ADGRL3: variants seen among roughly 807,000 people sequenced by gnomAD.
ADGRL3 encodes calcium-independent alpha-latrotoxin receptor 3.
In ADGRL3, 62 loss-of-function variants were observed where a neutral mutation model predicts 153.5. That is an observed-to-expected ratio of 0.40 (90% CI 0.33 to 0.50). ADGRL3 has a LOEUF of 0.50. ADGRL3 is among the 20% of genes least tolerant of loss of function. The pLI, the probability that ADGRL3 is intolerant of heterozygous loss-of-function variation, is 0.47. For missense variants in ADGRL3, 1,641 were observed against 1,859.4 expected, an observed-to-expected ratio of 0.88 and a Z score of 2.16; for synonymous variants, 710 against 672.5, an observed-to-expected ratio of 1.06 and a Z score of -0.86.
At chr4:61,981,918 G>C (rs533260026) in intron 18 of ADGRL3, among the ~76,000 whole-genome samples, 2 of 152,166 alleles carry the variant, frequency 1.3e-5, no homozygotes, top group Admixed American at 1.3e-4. Flanking sequence ...TTTTAATTGG[G>C]CATCATATAC....
intron 2 of ADGRL3, among the ~76,000 whole-genome samples, chr4:61,490,829 C>A (rs2152779051): frequency 6.6e-6 from 1 of 152,158 alleles, no homozygotes; most frequent in South Asian, 2.1e-4. Context: ...TTTACAATTC[C>A]ATAGTGTATT....
At chr4:61,879,826 C>G (rs1039161201) in intron 9 of ADGRL3, among the ~76,000 whole-genome samples, 2 of 152,038 alleles carry the variant, frequency 1.3e-5, no homozygotes, top group Non-Finnish European at 2.9e-5. Context: ...CTCAAGAAAT[C>G]CTCCCACCTC....
At position 61,344,759 on chromosome 4, in the gene ADGRL3, G is replaced by A. The variant is rs1323939061; in HGVS notation, c.-239-38365G>A. ...CATACATCTCTTTTGCTTGTTTACT[G>A]GATTCATTGTCTTGAATTTATTTAT... On this transcript the variant is annotated intron_variant, in intron 1 of 26. Transcript: ENST00000683033. Among the ~76,000 whole-genome samples, 6 of 151,792 alleles carry A rather than the reference G, an allele frequency of 4.0e-5. No individual in the cohort carries two copies. In the East Asian group the frequency reaches 1.2e-3, roughly 29 times the overall value.
rs532653974 is a variant in ADGRL3 at position 61,688,362 on chromosome 4, A to G, written c.583+11427A>G. Among the ~76,000 whole-genome samples the G allele has an allele frequency of 2.6e-5, 4 of 152,122 alleles. No individual in the cohort carries two copies. The South Asian group carries it at 8.3e-4, about 32-fold the overall frequency. On this transcript the variant is annotated intron_variant, in intron 6 of 26. Coordinates refer to ENST00000683033, the MANE Select transcript of ADGRL3 (RefSeq NM_001387552.1). ...GAATGTAACTTAGAAGTTACGAGTA[A>G]GAGCTTTGGAATCAGAGTTGAATTT...
At chr4:61,380,246 C>T (rs1428051834) in intron 1 of ADGRL3, among the ~76,000 whole-genome samples, 5 of 151,788 alleles carry the variant, frequency 3.3e-5, no homozygotes, top group Admixed American at 6.6e-5. Flanking sequence ...CTCTTTCTTT[C>T]ACTTACTGCT....
At chr4:61,479,918 G>A (rs535880919) in intron 2 of ADGRL3, among the ~76,000 whole-genome samples, 1 of 151,764 alleles carries the variant, frequency 6.6e-6, no homozygotes, top group Non-Finnish European at 1.5e-5. Flanking sequence ...ATATAGTTAA[G>A]GTTCACAAGT....
At chr4:61,439,504 G>A (rs1345899540) in intron 2 of ADGRL3, among the ~76,000 whole-genome samples, 1 of 152,064 alleles carries the variant, frequency 6.6e-6, no homozygotes, top group African/African-American at 2.4e-5. Context: ...TGTGCAGAAC[G>A]TGCAGTTTTG....
At chr4:61,752,550 G>A (rs2096770161) in intron 8 of ADGRL3, among the ~76,000 whole-genome samples, 1 of 152,148 alleles carries the variant, frequency 6.6e-6, no homozygotes, top group Admixed American at 6.5e-5. Context: ...TATTTGGAGA[G>A]TACTTCTTAC....
chr4:61,254,827 T>C (rs1032242304), intron 1 of ADGRL3, among the ~76,000 whole-genome samples: 1 of 152,198 alleles, frequency 6.6e-6, no homozygotes, highest in African/African-American at 2.4e-5. Context: ...ATCAGTCATT[T>C]TTCTTCCTTG....
intron 13 of ADGRL3, among the ~76,000 whole-genome samples, chr4:61,928,527 C>T (rs1346894778): frequency 6.6e-6 from 1 of 152,166 alleles, no homozygotes; most frequent in Non-Finnish European, 1.5e-5. Flanking sequence ...CCTCATTCAA[C>T]AGTGCCTTAC....
intron 8 of ADGRL3, among the ~76,000 whole-genome samples, chr4:61,800,342 A>G (rs1008160654): frequency 6.6e-6 from 1 of 152,230 alleles, no homozygotes; most frequent in East Asian, 1.9e-4. Context: ...AACCTGAGTT[A>G]TCATCACGAA....
chr4:61,985,523 T>C (rs560243101), intron 19 of ADGRL3, among the ~76,000 whole-genome samples: 3 of 152,228 alleles, frequency 2.0e-5, no homozygotes, highest in Admixed American at 1.3e-4. Flanking sequence ...GTTAGATAAC[T>C]TCAATTTGTA....
chr4:61,771,074 C>T (rs1187068334), intron 8 of ADGRL3, among the ~76,000 whole-genome samples: 1 of 152,188 alleles, frequency 6.6e-6, no homozygotes, highest in Non-Finnish European at 1.5e-5. Flanking sequence ...TTGCTTCCTT[C>T]ACAGTTGAAT....
chr4:61,858,680 T>C (rs537331023), intron 9 of ADGRL3, among the ~76,000 whole-genome samples: 49 of 152,316 alleles, frequency 3.2e-4, no homozygotes, highest in African/African-American at 1.0e-3. Context: ...AATTTTCCCA[T>C]AATGAAGTAT....
intron 8 of ADGRL3, among the ~76,000 whole-genome samples, chr4:61,807,624 A>C (rs1012042900): frequency 3.9e-5 from 6 of 152,142 alleles, no homozygotes; most frequent in Admixed American, 2.0e-4. Context: ...CTTTCAGATT[A>C]GTTGATTTCT....
intron 9 of ADGRL3, among the ~76,000 whole-genome samples, chr4:61,868,854 A>C (rs2098418330): frequency 6.6e-6 from 1 of 152,080 alleles, no homozygotes; most frequent in Admixed American, 6.5e-5. Context: ...TGCTTTTGCA[A>C]CCCTAATTAA....
At chr4:61,777,387 T>C (rs1425598434) in intron 8 of ADGRL3, among the ~76,000 whole-genome samples, 1 of 152,160 alleles carries the variant, frequency 6.6e-6, no homozygotes, top group East Asian at 1.9e-4. Flanking sequence ...ACTCACTATA[T>C]ACCTTTTTAT....
intron 1 of ADGRL3, among the ~76,000 whole-genome samples, chr4:61,274,824 C>T (rs1049999721): frequency 6.6e-6 from 1 of 151,972 alleles, no homozygotes; most frequent in East Asian, 1.9e-4. Context: ...GTCATTGCAA[C>T]GTGGGAGACT....
chr4:62,027,434 G>T (rs1358328638), intron 21 of ADGRL3, among the ~76,000 whole-genome samples: 1 of 151,894 alleles, frequency 6.6e-6, no homozygotes, highest in African/African-American at 2.4e-5. Context: ...TATGACTGAG[G>T]AACTGAATTT....
Sources: allele counts gnomAD v4.1 joint callset (sites outside exome capture counted in the v4.1 genomes callset), GRCh38; gene constraint gnomAD v4.1.1; transcripts MANE v1.5; gene names NCBI Gene and HGNC (gene_info 2026-07-23, HGNC 2026-07-21).